Variants in SHROOM2 observed in about 807,000 individuals in gnomAD.
The protein encoded by SHROOM2 is protein Shroom2.
A neutral mutation model predicts 75.9 loss-of-function variants in SHROOM2; 33 were observed. That is an observed-to-expected ratio of 0.43 (90% confidence interval 0.33 to 0.58). SHROOM2 has a LOEUF of 0.58. SHROOM2 is among the 20% of genes least tolerant of loss of function. The probability of loss-of-function intolerance (pLI) is 0.04; values close to 1 mark genes in which losing one functional copy is unlikely to be tolerated. For synonymous variants in SHROOM2, 655 were observed against 663.6 expected, an observed-to-expected ratio of 0.99 and a Z score of 0.20; for missense variants, 1,434 against 1,461.2, an observed-to-expected ratio of 0.98 and a Z score of 0.30.
intron 7 of SHROOM2, among the ~76,000 whole-genome samples, chrX:9,938,160 A>G (rs2084734156): frequency 1.8e-5 from 2 of 111,387 alleles, no homozygotes; most frequent in Middle Eastern, 4.6e-3. Flanking sequence ...TAGTGCCAAC[A>G]TGAGAATGAA....
chrX:9,928,246 C>G (rs1412623554), intron 5 of SHROOM2, among the ~76,000 whole-genome samples: 1 of 112,389 alleles, frequency 8.9e-6, no homozygotes, highest in African/African-American at 3.2e-5. Flanking sequence ...GCCCTCTCCC[C>G]TCTGGGAACT....
chrX:9,809,732 G>A (rs180824030), intron 1 of SHROOM2, among the ~76,000 whole-genome samples: 140 of 112,538 alleles, frequency 1.2e-3, no homozygotes, highest in African/African-American at 4.3e-3. Context: ...GCAGTGGCAC[G>A]ATCTCAGCTC....
At chrX:9,864,317 G>C (rs936122255) in intron 1 of SHROOM2, among the ~76,000 whole-genome samples, 5 of 111,278 alleles carry the variant, frequency 4.5e-5, no homozygotes, top group African/African-American at 1.6e-4. Context: ...AAGACTTTCA[G>C]GGTGCATGCC....
At chrX:9,934,820 T>A (rs915545166) in intron 6 of SHROOM2, among the ~76,000 whole-genome samples, 1 of 111,731 alleles carries the variant, frequency 9.0e-6, no homozygotes, top group African/African-American at 3.3e-5. Context: ...ATCATTATTA[T>A]TCCCTGTCGC....
At chrX:9,823,023 CCTT>C (rs1569142061) in intron 1 of SHROOM2, among the ~76,000 whole-genome samples, 6 of 56,934 alleles carry the variant, frequency 1.1e-4, no homozygotes, top group African/African-American at 5.0e-4. Flanking sequence ...TTCTCCTTCT[CCTT>C]CTCCTCCTCC....
intron 1 of SHROOM2, among the ~76,000 whole-genome samples, chrX:9,819,962 T>A (rs2083844329): frequency 9.2e-6 from 1 of 108,245 alleles, no homozygotes; most frequent in African/African-American, 3.4e-5. Context: ...CCCAGCTAAT[T>A]TTTTTAATTT....
intron 1 of SHROOM2, among the ~76,000 whole-genome samples, chrX:9,836,614 A>G (rs1366162477): frequency 9.5e-6 from 1 of 105,617 alleles, no homozygotes; most frequent in Non-Finnish European, 1.9e-5. Flanking sequence ...TTGTTAAGAG[A>G]CAGGGTCTCA....
chrX:9,949,136 C>T lies in SHROOM2; in HGVS notation c.*2199C>T, dbSNP rs2084849554. On this transcript the variant is annotated 3_prime_UTR_variant, in exon 10 of 10. Transcript: ENST00000380913. ...TCAGTTCCCCTGTTTGCCTCTGAAA[C>T]GTCTGGTTAGTGGGGACCCAAAGAT... 1 of 231,015 alleles carries T rather than the reference C, an allele frequency of 4.3e-6. No individual in the cohort carries two copies. The highest frequency in any genetic ancestry group is 5.5e-5 in the Admixed American group (1 of 18,251). The allele number at this position is 231,015 out of a possible 1,213,427, so 19.0% of individuals were successfully genotyped here. A position where few individuals can be genotyped will look rare whatever the true frequency, so the allele number is the denominator to read the frequency against.
In SHROOM2 at chrX:9,925,719, T is replaced by C. The variant is rs148402728; in HGVS notation, c.2892-6456T>C. ...ACAGATACTGCCCTATCCATTGCTATTTTTGATGGTATGCTTGTGTATAAT... is the reference window on the plus strand; with the variant it reads ...ACAGATACTGCCCTATCCATTGCTACTTTTGATGGTATGCTTGTGTATAAT... On this transcript the variant is annotated intron_variant, in intron 5 of 9. Coordinates refer to ENST00000380913, the MANE Select transcript of SHROOM2 (RefSeq NM_001649.4). 6.6e-3 allele frequency among the ~76,000 whole-genome samples: 749 copies of C among 112,657 alleles called. 5 individuals are homozygous for C. Among genetic ancestry groups the C allele is most frequent in the African/African-American group, 0.023 (718 of 31,035 alleles).
At chrX:9,943,433 A>G (rs2084789560) in intron 8 of SHROOM2, among the ~76,000 whole-genome samples, 1 of 110,934 alleles carries the variant, frequency 9.0e-6, no homozygotes, top group Admixed American at 9.7e-5. Flanking sequence ...TTGAGGCTGT[A>G]GTGCACTATG....
chrX:9,809,379 G>C (rs899164072), intron 1 of SHROOM2, among the ~76,000 whole-genome samples: 8 of 111,078 alleles, frequency 7.2e-5, no homozygotes, highest in African/African-American at 2.3e-4. Context: ...GGGCAGATCT[G>C]CCTTCCCCAG....
intron 8 of SHROOM2, 97 bp downstream of exon 8, chrX:9,939,463 G>A (rs998776379): frequency 2.3e-5 from 17 of 754,886 alleles, no homozygotes; most frequent in South Asian, 5.9e-5. Flanking sequence ...CCTGCACCAC[G>A]TGTCCCAGGG....
intron 5 of SHROOM2, among the ~76,000 whole-genome samples, chrX:9,929,661 A>C (rs1162227015): frequency 8.9e-6 from 1 of 111,747 alleles, no homozygotes; most frequent in Non-Finnish European, 1.9e-5. Context: ...TTCCTTTTTA[A>C]TCAGTGGGTG....
chrX:9,805,569 C>G (rs913687636), intron 1 of SHROOM2, among the ~76,000 whole-genome samples: 1 of 110,350 alleles, frequency 9.1e-6, no homozygotes, highest in Non-Finnish European at 1.9e-5. Flanking sequence ...AACCCTGTCT[C>G]TACTAAAGAT....
intron 5 of SHROOM2, among the ~76,000 whole-genome samples, chrX:9,910,315 G>A (rs2084415630): frequency 9.0e-6 from 1 of 111,662 alleles, no homozygotes; most frequent in Non-Finnish European, 1.9e-5. Flanking sequence ...ACACCCCATA[G>A]TAAGTCAGAT....
rs748087590 is a variant in SHROOM2 at position 9,918,356 on chromosome X, CA to C, written c.2892-13818del. Reference sequence around the variant, plus strand: ...TTAAACAACAGACTTTTATTGCTCACAGTTCTTCTGGAGGCTGGTAGTCCAA... The same window carrying C: ...TTAAACAACAGACTTTTATTGCTCACGTTCTTCTGGAGGCTGGTAGTCCAA... On this transcript the variant is annotated intron_variant, in intron 5 of 9. Coordinates refer to ENST00000380913, the MANE Select transcript of SHROOM2 (RefSeq NM_001649.4). 5.3e-5 allele frequency among the ~76,000 whole-genome samples: 6 copies of C among 112,654 alleles called. No individual in the cohort carries two copies. The East Asian group carries it at 1.7e-3, about 31-fold the overall frequency.
At chrX:9,826,207 T>C (rs2083886754) in intron 1 of SHROOM2, among the ~76,000 whole-genome samples, 1 of 111,981 alleles carries the variant, frequency 8.9e-6, no homozygotes, top group Non-Finnish European at 1.9e-5. Context: ...GTCACTTTCT[T>C]CCCCTTGCCT....
intron 6 of SHROOM2, 115 bp downstream of exon 6, chrX:9,932,985 A>G: frequency 1.7e-6 from 1 of 583,187 alleles, no homozygotes; most frequent in Non-Finnish European, 2.6e-6. Flanking sequence ...AAGGCGTTGG[A>G]CTTAAAGTCA....
At chrX:9,870,487 G>GA (rs1422895380) in intron 1 of SHROOM2, among the ~76,000 whole-genome samples, 1 of 111,929 alleles carries the variant, frequency 8.9e-6, no homozygotes, top group Non-Finnish European at 1.9e-5. Context: ...TTAAAATTGG[G>GA]AAAAATCATC....
Sources: allele counts gnomAD v4.1 joint callset (sites outside exome capture counted in the v4.1 genomes callset), GRCh38; gene constraint gnomAD v4.1.1; transcripts MANE v1.5; gene names NCBI Gene and HGNC (gene_info 2026-07-23, HGNC 2026-07-21).